ANKRD24: variants seen among roughly 807,000 people sequenced by gnomAD.
The protein encoded by ANKRD24 is ankyrin repeat domain 24.
A neutral mutation model predicts 127.8 loss-of-function variants in ANKRD24; 109 were observed. The observed-to-expected ratio is 0.85, with a 90% CI of 0.73 to 1.00. ANKRD24 has a LOEUF of 1.00. ANKRD24 is among the 50% of genes least tolerant of loss of function. ANKRD24 has a pLI of 0.00. For synonymous variants in ANKRD24, 743 were observed against 671.1 expected, an observed-to-expected ratio of 1.11 and a Z score of -1.66; for missense variants, 1,648 against 1,570.2, an observed-to-expected ratio of 1.05 and a Z score of -0.84.
chr19:4,183,219 A>G (rs952049995), intron 1 of ANKRD24: 5 of 750,064 alleles, frequency 6.7e-6, no homozygotes, highest in Non-Finnish European at 8.1e-6. Context: ...ACCTCAGGTG[A>G]TCTGACCGCC....
rs1970168336 is a variant in ANKRD24 at position 4,217,416 on chromosome 19, G to A, written c.2256G>A (p.Gly752=). Residue 752 remains glycine, a synonymous_variant, in exon 18 of 22, where the codon GGG becomes GGA. Transcript: ENST00000318934. ...CTGCGGAGCTGGAGGCGGCCCTGGG[G>A]AAGTGCGAGGCCGCGGAGGCCGAGG... The part of the protein sequence containing the change: ...EAAAELEAAL[G]KCEAAEAEAG... The A allele has an allele frequency of 2.6e-6, 4 of 1,548,378 alleles. No individual in the cohort carries two copies. Among genetic ancestry groups the A allele is most frequent in the Non-Finnish European group, 3.5e-6 (4 of 1,146,344 alleles).
chr19:4,198,363 C>CGGGCG lies in ANKRD24; in HGVS notation c.37-1311_37-1307dup, dbSNP rs1474495403. 4.3e-3 allele frequency: 115 copies of CGGGCG among 26,594 alleles called. No individual in the cohort carries two copies. In the East Asian group the frequency reaches 0.077, roughly 18 times the overall value. 1.6% of individuals were successfully genotyped at this position (26,594 alleles called of 1,614,324 possible). On this transcript the variant is annotated intron_variant, in intron 2 of 21. Transcript: ENST00000318934. The surrounding 1 kb of genome is among the most constrained non-coding windows in gnomAD (Gnocchi z 6.1). ...ACCAGGGAGGGCGGGACCGGGCGGG[C>CGGGCG]GGGCGGGGCGGGGAGCTCCGGCAGC... is the stretch of plus-strand genomic sequence containing the variant.
chr19:4,207,438 A>G, intron 8 of ANKRD24, 63 bp from the exon 9 acceptor site: 1 of 1,577,994 alleles, frequency 6.3e-7, no homozygotes, highest in South Asian at 1.1e-5. Context: ...GCAGTTATAT[A>G]GGCTTCTGCA....
Position 4,198,615 on chromosome 19 carries a change from G to T in ANKRD24, c.37-1068G>T. 4.8e-6 allele frequency: 2 copies of T among 420,728 alleles called. No individual in the cohort carries two copies. Among genetic ancestry groups the T allele is most frequent in the Non-Finnish European group, 8.4e-6 (2 of 237,316 alleles). The allele number at this position is 420,728 out of a possible 1,614,324, so 26.1% of individuals were successfully genotyped here. A position where few individuals can be genotyped will look rare whatever the true frequency, so the allele number is the denominator to read the frequency against. ...CCCTTCCCCGTCCCCGGCTGACCTG[G>T]ACCACCCCCCCATTCCAGACCCGGG... On this transcript the variant is annotated intron_variant, in intron 2 of 21. Transcript: ENST00000318934. The surrounding 1 kb of genome is among the most constrained non-coding windows in gnomAD (Gnocchi z 6.1).
chr19:4,212,948 T>C (rs1599448932), intron 15 of ANKRD24, among the ~76,000 whole-genome samples: 2 of 152,122 alleles, frequency 1.3e-5, no homozygotes, highest in Non-Finnish European at 2.9e-5. Context: ...CTGGCCAACA[T>C]GGTGAAACCC....
intron 20 of ANKRD24, among the ~76,000 whole-genome samples, chr19:4,223,401 A>ATTTTTTTTTTTTTTTT (rs1173862080): frequency 1.9e-5 from 1 of 53,344 alleles, no homozygotes; most frequent in African/African-American, 9.5e-5. Flanking sequence ...ATATATATAT[A>ATTTTTTTTTTTTTTTT]TTTTTTTTTT....
At chr19:4,191,071 G>A (rs1000182360) in intron 2 of ANKRD24, among the ~76,000 whole-genome samples, 1 of 152,182 alleles carries the variant, frequency 6.6e-6, no homozygotes, top group Admixed American at 6.6e-5. Flanking sequence ...GAGGGCCTCT[G>A]AGAGTGTCTG....
chr19:4,185,858 G>T (rs887393870), intron 1 of ANKRD24, among the ~76,000 whole-genome samples: 33 of 152,322 alleles, frequency 2.2e-4, no homozygotes, highest in African/African-American at 6.3e-4. Context: ...CAGAGGCAGA[G>T]ACCCAGCCAG....
At chr19:4,213,350 C>T (rs907123816) in intron 15 of ANKRD24, among the ~76,000 whole-genome samples, 2 of 147,384 alleles carry the variant, frequency 1.4e-5, no homozygotes, top group Admixed American at 6.9e-5. Context: ...TTCCTTCCTT[C>T]GTTTTCCTTC....
chr19:4,211,321 G>T (rs181418860), intron 13 of ANKRD24, among the ~76,000 whole-genome samples: 2 of 152,152 alleles, frequency 1.3e-5, no homozygotes, highest in East Asian at 3.9e-4. Flanking sequence ...CCAAAACCAG[G>T]TCTGCCCCAT....
At position 4,216,673 on chromosome 19, in the gene ANKRD24, G is replaced by GAGGCCCTGC; in HGVS notation, c.1522_1530dup (p.Gln508_Leu510dup). The GAGGCCCTGC allele has an allele frequency of 4.4e-6, 7 of 1,595,252 alleles. No homozygotes were observed. The highest frequency in any genetic ancestry group is 6.0e-6 in the Non-Finnish European group (7 of 1,171,162). On this transcript the variant is annotated inframe_insertion, in exon 18 of 22. Transcript: ENST00000318934. ...TGACCAGCTACGCAGGCAGCACGCT[G>GAGGCCCTGC]AGGCCCTGCAGGCCCTGAGGCAGCA...
rs914491375 is a variant in ANKRD24 at position 4,219,602 on chromosome 19, G to C, written c.3015G>C (p.Glu1005Asp). The change falls in exon 19 of 22, where the codon GAG becomes GAC. Residue 1005 changes from glutamate (E) to aspartate (D), a missense_variant. By Grantham distance (45) the Glu-to-Asp change is conservative. Transcript: ENST00000318934. ...TSAEVFQVQR[E>D]ALFMKSERHA... ...GGCTTGGGCCACAGGTGCAGCGTGA[G>C]GCCCTGTTCATGAAGAGTGAGCGAC... is the stretch of plus-strand genomic sequence containing the variant. 5.6e-6 allele frequency: 9 copies of C among 1,611,314 alleles called. No homozygotes were observed. The African/African-American group carries it at 1.1e-4, about 19-fold the overall frequency.
rs760566292 is a variant in ANKRD24 at position 4,219,683 on chromosome 19, C to A, written c.3096C>A (p.Thr1032=). ...TAEQQLRGLR[T]EAERARQAQS... ...AGCAGCAGCTACGGGGGCTACGGACCGAGGCGGAAAGGGCTCGCCAGGCCC... is the reference window on the plus strand; with the variant it reads ...AGCAGCAGCTACGGGGGCTACGGACAGAGGCGGAAAGGGCTCGCCAGGCCC... The change falls in exon 19 of 22, where the codon ACC becomes ACA. Residue 1032 remains threonine, a synonymous_variant. Transcript: ENST00000318934. The A allele has an allele frequency of 1.2e-6, 2 of 1,613,768 alleles. No individual in the cohort carries two copies. Among genetic ancestry groups the A allele is most frequent in the East Asian group, 2.2e-5 (1 of 44,870 alleles).
intron 2 of ANKRD24, among the ~76,000 whole-genome samples, chr19:4,186,867 G>C (rs1178988397): frequency 6.6e-6 from 1 of 152,216 alleles, no homozygotes; most frequent in Non-Finnish European, 1.5e-5. Context: ...AGCAGGCGCT[G>C]TTCCAGGCAC....
At chr19:4,204,991 A>G (rs1371650125) in intron 7 of ANKRD24, among the ~76,000 whole-genome samples, 2 of 152,102 alleles carry the variant, frequency 1.3e-5, no homozygotes, top group African/African-American at 2.4e-5. Context: ...TAATCCCAGC[A>G]CTTTGGGAGC....
chr19:4,224,758 C>T lies in ANKRD24; in HGVS notation c.*253C>T. On this transcript the variant is annotated 3_prime_UTR_variant, in exon 22 of 22. Coordinates refer to ENST00000318934, the MANE Select transcript of ANKRD24 (RefSeq NM_001393985.1). ...CCCCCACCACCGGAGACTGTGATTCCCTGTGTCCTCCACATCCAGACGCCA... is the reference window on the plus strand; with the variant it reads ...CCCCCACCACCGGAGACTGTGATTCTCTGTGTCCTCCACATCCAGACGCCA... 1 of 543,406 alleles carries T rather than the reference C, an allele frequency of 1.8e-6. No homozygotes were observed. Among genetic ancestry groups the T allele is most frequent in the Non-Finnish European group, 3.3e-6 (1 of 301,862 alleles). The allele number at this position is 543,406 out of a possible 1,614,324, so 33.7% of individuals were successfully genotyped here. A position where few individuals can be genotyped will look rare whatever the true frequency, so the allele number is the denominator to read the frequency against.
chr19:4,191,725 G>T (rs1023060692), intron 2 of ANKRD24, among the ~76,000 whole-genome samples: 2 of 151,472 alleles, frequency 1.3e-5, no homozygotes, highest in East Asian at 2.0e-4. Context: ...CAGATGATCC[G>T]CCTGCCTCAG....
At chr19:4,215,796 G>A (rs909915500) in intron 15 of ANKRD24, among the ~76,000 whole-genome samples, 182 bp from the exon 16 acceptor site, 5 of 147,486 alleles carry the variant, frequency 3.4e-5, no homozygotes, top group African/African-American at 5.0e-5. Flanking sequence ...AAAGTGGCAC[G>A]GGGAGTGGGT....
At position 4,223,388 on chromosome 19, in the gene ANKRD24, TA is replaced by T. The variant is rs1434216284; in HGVS notation, c.3297+594del. Among the ~76,000 whole-genome samples the T allele has an allele frequency of 1.6e-3, 142 of 86,256 alleles. 2 individuals carry two copies. Among genetic ancestry groups the T allele is most frequent in the African/African-American group, 6.0e-3 (105 of 17,450 alleles). 56.6% of individuals were successfully genotyped at this position (86,256 alleles called of 152,430 possible). ...CTGGCCATACATATATATATATATA[TA>T]TATATATATATATTTTTTTTTTTTT... is the stretch of plus-strand genomic sequence containing the variant. On this transcript the variant is annotated intron_variant, in intron 20 of 21. Coordinates refer to ENST00000318934, the MANE Select transcript of ANKRD24 (RefSeq NM_001393985.1).
Sources: allele counts gnomAD v4.1 joint callset (sites outside exome capture counted in the v4.1 genomes callset), GRCh38; gene constraint gnomAD v4.1.1; non-coding constraint Gnocchi (gnomAD v3.1); transcripts MANE v1.5; gene names NCBI Gene and HGNC (gene_info 2026-07-23, HGNC 2026-07-21).